Variants in SAMD8 observed in about 807,000 individuals in gnomAD.
SAMD8 encodes the protein sterile alpha motif domain containing 8.
A neutral mutation model predicts 42.0 loss-of-function variants in SAMD8; 20 were observed. The ratio of observed to expected loss-of-function variants is 0.48; its 90% CI spans 0.34 to 0.69. The LOEUF (loss-of-function observed/expected upper bound fraction) is 0.69, where lower values mean the gene tolerates loss of function less well. Ranked by LOEUF, SAMD8 falls within the 30% of genes least tolerant of loss-of-function variation. The pLI, the probability that SAMD8 is intolerant of heterozygous loss-of-function variation, is 0.01. For missense variants in SAMD8, 328 were observed against 511.6 expected (o/e 0.64, Z 3.46); for synonymous variants, 162 against 173.0 (o/e 0.94, Z 0.50).
intron 3 of SAMD8, among the ~76,000 whole-genome samples, chr10:75,166,471 T>G (rs1840683314): frequency 6.6e-6 from 1 of 152,072 alleles, no homozygotes; most frequent in Non-Finnish European, 1.5e-5. Context: ...GGGTAGTTGC[T>G]TGAGGTTTTG....
chr10:75,109,323 C>G, upstream of SAMD8: 6 of 651,642 alleles, frequency 9.2e-6, no homozygotes, highest in Non-Finnish European at 1.4e-5. Context: ...AAGCCTCCCC[C>G]CACCCCCAAA....
At chr10:75,106,495 C>T (rs761086869) in intron 1 of SAMD8, among the ~76,000 whole-genome samples, 6 of 152,270 alleles carry the variant, frequency 3.9e-5, no homozygotes, top group Admixed American at 1.3e-4. Flanking sequence ...CTTTCTTGAC[C>T]GCTCAAAGTA....
chr10:75,112,791 T>C (rs1354748482), intron 1 of SAMD8, among the ~76,000 whole-genome samples: 1 of 152,220 alleles, frequency 6.6e-6, no homozygotes, highest in Non-Finnish European at 1.5e-5. Context: ...TTTGGACACT[T>C]GGATTTTACA....
chr10:75,150,120 T>G (rs915467429), intron 1 of SAMD8, among the ~76,000 whole-genome samples: 1 of 85,986 alleles, frequency 1.2e-5, no homozygotes, highest in Admixed American at 1.5e-4. Flanking sequence ...AGTTTTTTGT[T>G]TTTTTTTCTT....
At chr10:75,151,577 C>T (rs1270258773) in intron 2 of SAMD8, among the ~76,000 whole-genome samples, 1 of 152,094 alleles carries the variant, frequency 6.6e-6, no homozygotes, top group Admixed American at 6.6e-5. Context: ...TGGGTGAACT[C>T]CTAGGCTGAA....
chr10:75,107,483 T>C (rs1425827616), upstream of SAMD8, among the ~76,000 whole-genome samples: 7 of 152,198 alleles, frequency 4.6e-5, no homozygotes, highest in Admixed American at 3.3e-4. Context: ...TCAGGGTTGC[T>C]CCTAACTCAT....
At chr10:75,136,077 G>T (rs1310451662) in intron 1 of SAMD8, among the ~76,000 whole-genome samples, 3 of 149,454 alleles carry the variant, frequency 2.0e-5, no homozygotes, top group East Asian at 3.9e-4. Flanking sequence ...TTTTCTTTTG[G>T]TTTTTTTTTG....
intron 1 of SAMD8, among the ~76,000 whole-genome samples, chr10:75,143,735 A>G (rs144721516): frequency 2.6e-5 from 4 of 152,072 alleles, no homozygotes; most frequent in Admixed American, 2.6e-4. Context: ...ATGCCTTGGT[A>G]TAGCTTTCTT....
At chr10:75,130,155 T>C (rs571536248) in intron 1 of SAMD8, among the ~76,000 whole-genome samples, 79 of 152,166 alleles carry the variant, frequency 5.2e-4, no homozygotes, top group Middle Eastern at 3.4e-3. Context: ...AATGTCTTTA[T>C]ATTAAACAGT....
chr10:75,172,498 C>G (rs922410556), intron 4 of SAMD8, among the ~76,000 whole-genome samples: 3 of 151,214 alleles, frequency 2.0e-5, no homozygotes, highest in Non-Finnish European at 4.4e-5. Context: ...CCACAGCCAA[C>G]TGATTTTTTT....
At chr10:75,151,493 G>A (rs531011421) in intron 2 of SAMD8, among the ~76,000 whole-genome samples, 137 of 151,558 alleles carry the variant, frequency 9.0e-4, no homozygotes, top group Non-Finnish European at 1.6e-3. Flanking sequence ...AACTGGGACT[G>A]TAGACATGTT....
intron 3 of SAMD8, among the ~76,000 whole-genome samples, chr10:75,166,704 A>T (rs184270779): frequency 7.2e-5 from 11 of 152,310 alleles, no homozygotes; most frequent in African/African-American, 2.2e-4. Flanking sequence ...GTTTTAAAAC[A>T]TGTGTATCAT....
intron 1 of SAMD8, among the ~76,000 whole-genome samples, chr10:75,144,920 A>G: frequency 6.6e-6 from 1 of 152,166 alleles, no homozygotes; most frequent in East Asian, 1.9e-4. Context: ...CAGCCTCCCA[A>G]AGTGTTGGGA....
intron 1 of SAMD8, among the ~76,000 whole-genome samples, chr10:75,103,082 T>G (rs1848276790): frequency 6.6e-6 from 1 of 152,158 alleles, no homozygotes; most frequent in South Asian, 2.1e-4. Context: ...ACCATGCCAT[T>G]GCACTCCAGC....
At chr10:75,155,504 A>C (rs941620129) in intron 2 of SAMD8, among the ~76,000 whole-genome samples, 5 of 152,176 alleles carry the variant, frequency 3.3e-5, no homozygotes, top group Non-Finnish European at 5.9e-5. Context: ...AATTGGCTGT[A>C]GCAAATGCTG....
upstream of SAMD8, chr10:75,109,244 C>T: frequency 2.1e-6 from 3 of 1,429,856 alleles, no homozygotes; most frequent in Non-Finnish European, 2.8e-6. Context: ...TTGACAGGGA[C>T]AGGTGACAGA....
In SAMD8 at chr10:75,151,092, TATA is replaced by T; in HGVS notation, c.565_567del (p.Ile189del). Reference sequence around the variant, plus strand: ...TGCAGACCTATCCACCACTCCCAGATATATTCTTAGACAGGTAAGTTTTGTTTC... The same window carrying T: ...TGCAGACCTATCCACCACTCCCAGATTTCTTAGACAGGTAAGTTTTGTTTC... On this transcript the variant is annotated inframe_deletion, in exon 2 of 6. Coordinates refer to ENST00000542569, the MANE Select transcript of SAMD8 (RefSeq NM_001174156.2). 1 of 1,513,562 alleles carries T rather than the reference TATA, an allele frequency of 6.6e-7. No individual in the cohort carries two copies. The highest frequency in any genetic ancestry group is 1.4e-5 in the South Asian group (1 of 73,310). 93.8% of individuals were successfully genotyped at this position (1,513,562 alleles called of 1,614,324 possible).
At chr10:75,126,839 A>G (rs1375128365) in intron 1 of SAMD8, among the ~76,000 whole-genome samples, 1 of 151,974 alleles carries the variant, frequency 6.6e-6, no homozygotes, top group African/African-American at 2.4e-5. Context: ...GCATCTCTAT[A>G]TAATAGACAC....
At chr10:75,160,341 C>T (rs1193371640) in intron 2 of SAMD8, among the ~76,000 whole-genome samples, 18 of 151,400 alleles carry the variant, frequency 1.2e-4, no homozygotes, top group African/African-American at 2.2e-4. Flanking sequence ...GGAGTACAGG[C>T]GCCCGCCACC....
Sources: allele counts gnomAD v4.1 joint callset (sites outside exome capture counted in the v4.1 genomes callset), GRCh38; gene constraint gnomAD v4.1.1; transcripts MANE v1.5; gene names NCBI Gene and HGNC (gene_info 2026-07-23, HGNC 2026-07-21).